The following CACNA1H variants were observed in gnomAD, a reference collection of about 807,000 sequenced individuals.
The protein encoded by CACNA1H is calcium voltage-gated channel subunit alpha1 H.
In CACNA1H, 149 loss-of-function variants were observed where a neutral mutation model predicts 192.5. The ratio of observed to expected loss-of-function variants is 0.77; its 90% CI spans 0.68 to 0.89. The LOEUF (loss-of-function observed/expected upper bound fraction) is 0.89. CACNA1H is among the 40% of genes least tolerant of loss of function. The pLI, the probability that CACNA1H is intolerant of heterozygous loss-of-function variation, is 0.00. For missense variants in CACNA1H, 4,257 were observed against 3,423.5 expected, an observed-to-expected ratio of 1.24 and a Z score of -6.08; for synonymous variants, 2,202 against 1,475.2, an observed-to-expected ratio of 1.49 and a Z score of -11.29.
In CACNA1H at chr16:1,155,178, G is replaced by A. The variant is rs998505894; in HGVS notation, c.299+1142G>A. Among the ~76,000 whole-genome samples the A allele has an allele frequency of 2.0e-5, 3 of 152,178 alleles. No individual in the cohort carries two copies. In the South Asian group the frequency reaches 6.2e-4, roughly 32 times the overall value. ...TTCTCCTTTCTCAAATCCAAACATC[G>A]AGTGAGTCAGACTCATCTCTGCTTG... On this transcript the variant is annotated intron_variant, in intron 2 of 34. Coordinates refer to ENST00000348261, the MANE Select transcript of CACNA1H (RefSeq NM_021098.3).
intron 2 of CACNA1H, among the ~76,000 whole-genome samples, chr16:1,164,042 G>A (rs1963497946): frequency 6.6e-6 from 1 of 152,212 alleles, no homozygotes; most frequent in Non-Finnish European, 1.5e-5. Context: ...CTGCTGGGGT[G>A]TGAGACTGCC....
intron 2 of CACNA1H, among the ~76,000 whole-genome samples, chr16:1,181,332 A>G (rs1204793153): frequency 1.3e-5 from 2 of 152,238 alleles, no homozygotes; most frequent in Admixed American, 1.3e-4. Flanking sequence ...AGCCAGCCTG[A>G]CCAGGTGGCC....
intron 29 of CACNA1H, 31 bp downstream of exon 29, chr16:1,215,406 C>G (rs770182808): frequency 2.2e-6 from 3 of 1,335,844 alleles, no homozygotes; most frequent in South Asian, 1.2e-5. Context: ...CAGGTTCTCT[C>G]TGCGGGTGGA....
At chr16:1,203,368 T>C (rs982802926) in intron 9 of CACNA1H, among the ~76,000 whole-genome samples, 5 of 151,888 alleles carry the variant, frequency 3.3e-5, no homozygotes, top group African/African-American at 7.3e-5. Flanking sequence ...GCCTGTGTGC[T>C]GTGGCTGCTG....
intron 2 of CACNA1H, among the ~76,000 whole-genome samples, chr16:1,192,761 G>A (rs1966732780): frequency 6.6e-6 from 1 of 152,212 alleles, no homozygotes; most frequent in African/African-American, 2.4e-5. Flanking sequence ...ACATGGGGCA[G>A]GCCTGGGAGA....
chr16:1,210,184 A>G, intron 18 of CACNA1H, 49 bp downstream of exon 18: 1 of 1,459,362 alleles, frequency 6.9e-7, no homozygotes, highest in Non-Finnish European at 9.4e-7. Context: ...ACCCCACGGG[A>G]CCCCCGCCCC....
intron 30 of CACNA1H, 44 bp downstream of exon 30, chr16:1,215,637 C>T (rs774136317): frequency 3.8e-5 from 59 of 1,557,732 alleles, no homozygotes; most frequent in Middle Eastern, 1.7e-4. Context: ...CCCCGGAAGA[C>T]GGGGTTGCAG....
At chr16:1,201,056 G>T (rs1967820750) in intron 8 of CACNA1H, among the ~76,000 whole-genome samples, 1 of 152,094 alleles carries the variant, frequency 6.6e-6, no homozygotes, top group South Asian at 2.1e-4. Context: ...GAACACCCTG[G>T]GGAGTGCATA....
At chr16:1,219,772 G>A (rs957189685) in intron 34 of CACNA1H, among the ~76,000 whole-genome samples, 3 of 116,398 alleles carry the variant, frequency 2.6e-5, no homozygotes, top group African/African-American at 1.0e-4. Flanking sequence ...AGCGGGTACA[G>A]GCTTTCCCCG....
intron 2 of CACNA1H, among the ~76,000 whole-genome samples, chr16:1,158,726 T>C (rs1760967485): frequency 1.3e-5 from 2 of 152,134 alleles, no homozygotes; most frequent in Non-Finnish European, 2.9e-5. Flanking sequence ...CTGCCGGGCA[T>C]GTGACCTTGG....
chr16:1,220,596 TCCTGTGAGGCCACGCCTCACAGGGACTC>T lies in CACNA1H; in HGVS notation c.6669_6696del (p.Cys2223TrpfsTer30). 6.4e-7 allele frequency: 1 copy of T among 1,555,348 alleles called. No individual in the cohort carries two copies. Among genetic ancestry groups the T allele is most frequent in the East Asian group, 2.3e-5 (1 of 44,352 alleles). On this transcript the variant is annotated frameshift_variant, in exon 35 of 35. Coordinates refer to ENST00000348261, the MANE Select transcript of CACNA1H (RefSeq NM_021098.3). LOFTEE classifies it low-confidence loss of function (END_TRUNC). ...CACCACACTGAGGCGCAGGACCCCG[TCCTGTGAGGCCACGCCTCACAGGGACTC>T]CCTGGAGCCCACAGAGGGCTCAGGC...
Position 1,213,951 on chromosome 16 carries a change from G to A in CACNA1H, c.4929+20G>A, listed in dbSNP as rs183848017. 36 of 1,598,698 alleles carry A rather than the reference G, an allele frequency of 2.3e-5. No individual in the cohort carries two copies. The highest frequency in any genetic ancestry group is 1.4e-4 in the Admixed American group (8 of 58,334). Reference sequence around the variant, plus strand: ...CCCAAGGTGGGTGCGAGGGGGCCGCGAGGGGCCCAGGGGCTGGGGCACCCC... The same window carrying A: ...CCCAAGGTGGGTGCGAGGGGGCCGCAAGGGGCCCAGGGGCTGGGGCACCCC... On this transcript the variant is annotated intron_variant, in intron 27 of 34. Coordinates refer to ENST00000348261, the MANE Select transcript of CACNA1H (RefSeq NM_021098.3).
intron 14 of CACNA1H, 70 bp downstream of exon 14, chr16:1,207,500 G>T: frequency 6.6e-7 from 1 of 1,519,722 alleles, no homozygotes; most frequent in Non-Finnish European, 9.0e-7. Context: ...AGGTCGAGGG[G>T]AGGGGTGTGG....
In CACNA1H at chr16:1,201,849, A is replaced by G. The variant is rs1967962877; in HGVS notation, c.1399A>G (p.Ile467Val). ...AGAGCTGCTGAAGTACGTGGGCCACATATTCCGCAAGGTCAAGCGGCGCAG... is the reference window on the plus strand; with the variant it reads ...AGAGCTGCTGAAGTACGTGGGCCACGTATTCCGCAAGGTCAAGCGGCGCAG... ...YEELLKYVGH[I>V]FRKVKRRSLR... is the part of the protein sequence containing the mutation. The change falls in exon 9 of 35, where the codon ATA (isoleucine) becomes GTA (valine). Residue 467 changes from isoleucine (I) to valine (V), a missense_variant. Transcript: ENST00000348261. The G allele has an allele frequency of 2.6e-6, 4 of 1,566,678 alleles. No homozygotes were observed. Among genetic ancestry groups the G allele is most frequent in the Non-Finnish European group, 3.5e-6 (4 of 1,156,552 alleles).
At chr16:1,210,172 C>A in intron 18 of CACNA1H, 37 bp downstream of exon 18, 1 of 1,504,664 alleles carries the variant, frequency 6.6e-7, no homozygotes, top group South Asian at 1.2e-5. Context: ...ATGGCTAGTT[C>A]CACCCCACGG....
chr16:1,216,836 G>T, intron 30 of CACNA1H, 96 bp from the exon 31 acceptor site: 2 of 956,886 alleles, frequency 2.1e-6, no homozygotes, highest in East Asian at 2.6e-5. Flanking sequence ...AGGTGGGCAG[G>T]TGGGGTCTGG....
chr16:1,192,127 A>T (rs1017165535), intron 2 of CACNA1H, among the ~76,000 whole-genome samples: 4 of 152,160 alleles, frequency 2.6e-5, no homozygotes, highest in Admixed American at 6.5e-5. Context: ...CCTGCTTGGA[A>T]AAGACAGCAC....
chr16:1,200,579 G>A lies in CACNA1H; in HGVS notation c.1119+8G>A. ...TGGATTGCCATCTTCCAGGTGGGCG[G>A]CAAGATGGTGGGACGGGGACCCTGG... On this transcript the variant is annotated splice_region_variant and intron_variant, in intron 7 of 34. Transcript: ENST00000348261. The A allele has an allele frequency of 6.2e-7, 1 of 1,611,250 alleles. No individual in the cohort carries two copies. The highest frequency in any genetic ancestry group is 8.5e-7 in the Non-Finnish European group (1 of 1,179,556).
rs999427454 is a variant in CACNA1H, at chr16:1,212,860, G to A, written c.4777+332G>A. Among the ~76,000 whole-genome samples the A allele has an allele frequency of 1.8e-4, 28 of 152,218 alleles. 1 individual carries two copies. Among genetic ancestry groups the A allele is most frequent in the Non-Finnish European group, 3.2e-4 (22 of 68,030 alleles). ...GCCTGACTGGCCGCGGGCCCTCTCCGGCTGCCCGGGCTGCGCTGAGTGCTT... is the reference window on the plus strand; with the variant it reads ...GCCTGACTGGCCGCGGGCCCTCTCCAGCTGCCCGGGCTGCGCTGAGTGCTT... On this transcript the variant is annotated intron_variant, in intron 26 of 34. Transcript: ENST00000348261.
Sources: allele counts gnomAD v4.1 joint callset (sites outside exome capture counted in the v4.1 genomes callset), GRCh38; gene constraint gnomAD v4.1.1; transcripts MANE v1.5; gene names NCBI Gene and HGNC (gene_info 2026-07-23, HGNC 2026-07-21).